ENPP2: variants seen among roughly 807,000 people sequenced by gnomAD.
The protein encoded by ENPP2 is autotaxin.
A neutral mutation model predicts 120.2 loss-of-function variants in ENPP2; 51 were observed. The ratio of observed to expected loss-of-function variants is 0.42; its 90% confidence interval spans 0.34 to 0.54. The LOEUF (loss-of-function observed/expected upper bound fraction) is 0.54, where lower values mean the gene tolerates loss of function less well. ENPP2 is among the 20% of genes least tolerant of loss of function. The pLI, the probability that ENPP2 is intolerant of heterozygous loss-of-function variation, is 0.04. For synonymous variants in ENPP2, 365 were observed against 366.4 expected (o/e 1.00, Z 0.04); for missense variants, 920 against 1,066.5 (o/e 0.86, Z 1.91).
At chr8:119,669,997 T>C (rs985230014) in intron 1 of ENPP2, among the ~76,000 whole-genome samples, 1 of 152,258 alleles carries the variant, frequency 6.6e-6, no homozygotes, top group Non-Finnish European at 1.5e-5. Context: ...TCTGAGGTTC[T>C]GGATGCCTTC....
At chr8:119,627,452 A>T (rs544015515) in intron 2 of ENPP2, among the ~76,000 whole-genome samples, 1 of 152,276 alleles carries the variant, frequency 6.6e-6, no homozygotes, top group East Asian at 1.9e-4. Context: ...CAGAAGTTTC[A>T]TTCTCAATAG....
chr8:119,567,479 G>C lies in ENPP2; in HGVS notation c.2131+696C>G, dbSNP rs1343966954. 5.9e-5 allele frequency among the ~76,000 whole-genome samples: 9 copies of C among 152,148 alleles called. No individual in the cohort carries two copies. In the South Asian group the frequency reaches 1.9e-3, roughly 32 times the overall value. On this transcript the variant is annotated intron_variant, in intron 22 of 24. Coordinates refer to ENST00000075322, the MANE Select transcript of ENPP2 (RefSeq NM_001040092.3). ...CCTGTGGTCACACTCCAGGAACTTGGCTTTTTGTGCCCGAGCTCATTGTGC... is the reference window on the plus strand; with the variant it reads ...CCTGTGGTCACACTCCAGGAACTTGCCTTTTTGTGCCCGAGCTCATTGTGC...
chr8:119,569,734 C>G (rs1317928189), intron 20 of ENPP2, among the ~76,000 whole-genome samples: 1 of 93,886 alleles, frequency 1.1e-5, no homozygotes, highest in Admixed American at 1.2e-4. Context: ...TCTAAATAGA[C>G]TATTTATCTG....
intron 23 of ENPP2, among the ~76,000 whole-genome samples, chr8:119,563,547 C>T (rs971257093): frequency 2.0e-5 from 3 of 152,030 alleles, no homozygotes; most frequent in African/African-American, 7.2e-5. Flanking sequence ...CAATGAGATG[C>T]AGAACTTGAT....
At chr8:119,655,900 G>A (rs1817755065) in intron 1 of ENPP2, among the ~76,000 whole-genome samples, 2 of 152,188 alleles carry the variant, frequency 1.3e-5, no homozygotes, top group Non-Finnish European at 2.9e-5. Context: ...ACTATTAAAA[G>A]AAACTCCTCC....
intron 1 of ENPP2, among the ~76,000 whole-genome samples, chr8:119,672,801 A>C (rs1034924330): frequency 6.6e-6 from 1 of 152,120 alleles, no homozygotes; most frequent in Non-Finnish European, 1.5e-5. Flanking sequence ...AGTTCAGAGG[A>C]CTTTACTAAA....
intron 11 of ENPP2, 102 bp from the exon 12 acceptor site, chr8:119,593,962 C>T (rs1345770178): frequency 7.3e-5 from 55 of 749,810 alleles, no homozygotes; most frequent in East Asian, 7.2e-4. Flanking sequence ...AGAAAACTTC[C>T]GGCCCAGAGG....
At chr8:119,601,018 A>G (rs2130559562) in intron 10 of ENPP2, among the ~76,000 whole-genome samples, 1 of 152,308 alleles carries the variant, frequency 6.6e-6, no homozygotes, top group Middle Eastern at 3.4e-3. Context: ...GACCCTCAAG[A>G]TAACAGAGCC....
At chr8:119,662,290 T>C (rs1817943710) in intron 1 of ENPP2, among the ~76,000 whole-genome samples, 1 of 152,186 alleles carries the variant, frequency 6.6e-6, no homozygotes, top group Non-Finnish European at 1.5e-5. Flanking sequence ...ATGTTGTATC[T>C]CGTAAATACA....
intron 9 of ENPP2, among the ~76,000 whole-genome samples, chr8:119,607,674 CAAAA>C (rs56095103): frequency 1.0e-5 from 1 of 98,674 alleles, no homozygotes; most frequent in Admixed American, 1.2e-4. Context: ...GACTCCATCT[CAAAA>C]AAAAAAAAAA....
At chr8:119,575,796 G>A (rs1336185105) in intron 19 of ENPP2, among the ~76,000 whole-genome samples, 1 of 152,106 alleles carries the variant, frequency 6.6e-6, no homozygotes, top group Non-Finnish European at 1.5e-5. Flanking sequence ...TAAAGGTATG[G>A]GCTCTACCTC....
At chr8:119,604,548 T>C (rs1161364082) in intron 9 of ENPP2, among the ~76,000 whole-genome samples, 3 of 149,768 alleles carry the variant, frequency 2.0e-5, no homozygotes, top group South Asian at 4.2e-4. Flanking sequence ...CACTGATTGA[T>C]GCAGAATTTG....
chr8:119,617,985 T>C (rs1490213557), intron 5 of ENPP2, among the ~76,000 whole-genome samples: 1 of 152,080 alleles, frequency 6.6e-6, no homozygotes, highest in African/African-American at 2.4e-5. Flanking sequence ...ACCGAACATA[T>C]TCATTTAACC....
Position 119,638,755 on chromosome 8 carries a change from G to T in ENPP2, c.26C>A (p.Ser9Ter). The T allele has an allele frequency of 1.9e-6, 3 of 1,593,930 alleles. No individual in the cohort carries two copies. Among genetic ancestry groups the T allele is most frequent in the South Asian group, 1.1e-5 (1 of 90,672 alleles). MARRSSFQ[S>*]CQIISLFTFA... ...ATTCCTCCGTTCTCCCACCTGACAC[G>T]ACTGGAACGAGCTCCTCCTTGCCAT... The change falls in exon 1 of 25, where the codon TCG becomes TAG. Residue 9 changes from serine (S) to a stop codon, truncating the protein, a stop_gained. Transcript: ENST00000075322. LOFTEE classifies it high-confidence loss of function.
At chr8:119,638,629 A>G in intron 1 of ENPP2, 102 bp from the exon 2 acceptor site, 1 of 995,580 alleles carries the variant, frequency 1.0e-6, no homozygotes, top group South Asian at 1.3e-5. Context: ...ACCCAATCCT[A>G]CCACTTCCAA....
intron 9 of ENPP2, among the ~76,000 whole-genome samples, chr8:119,606,942 C>A (rs1814760717): frequency 6.6e-6 from 1 of 151,488 alleles, no homozygotes; most frequent in Non-Finnish European, 1.5e-5. Flanking sequence ...TACTAAGGAA[C>A]CTTAAAAATC....
At chr8:119,595,728 G>T in intron 11 of ENPP2, 1 of 914,758 alleles carries the variant, frequency 1.1e-6, no homozygotes, top group Non-Finnish European at 1.7e-6. Context: ...TCAAAGCCAA[G>T]GTCAATGCAC....
In ENPP2 at chr8:119,600,971, G is replaced by T. The variant is rs112912135; in HGVS notation, c.900-221C>A. ...CTGGAACCACCTTCAGGAATCAAAA[G>T]TCACAAAGGAAAACTTGAACCTGTA... On this transcript the variant is annotated intron_variant, in intron 10 of 24. Transcript: ENST00000075322. Among the ~76,000 whole-genome samples the T allele has an allele frequency of 5.9e-5, 9 of 151,812 alleles. 1 individual carries two copies. Among genetic ancestry groups the T allele is most frequent in the African/African-American group, 2.2e-4 (9 of 41,386 alleles).
At chr8:119,642,328 A>G (rs1226006937), upstream of ENPP2, among the ~76,000 whole-genome samples, 1 of 151,718 alleles carries the variant, frequency 6.6e-6, no homozygotes, top group Non-Finnish European at 1.5e-5. Context: ...TTATTTTTTG[A>G]ATTATTTGTT....
Sources: gnomAD v4.1 joint callset for allele counts (sites outside exome capture counted in the v4.1 genomes callset) on GRCh38, gnomAD v4.1.1 for gene constraint, MANE v1.5 for transcripts, NCBI Gene and HGNC (gene_info 2026-07-23, HGNC 2026-07-21) for gene names.